CLEC16A: variants seen among roughly 807,000 people sequenced by gnomAD.
The protein encoded by CLEC16A is protein CLEC16A.
Under a neutral mutation model 109.5 loss-of-function variants are expected in CLEC16A, and 51 were observed. The ratio of observed to expected loss-of-function variants is 0.47; its 90% CI spans 0.37 to 0.59. The LOEUF (loss-of-function observed/expected upper bound fraction) is 0.59, where lower values mean the gene tolerates loss of function less well. Ranked by LOEUF, CLEC16A falls within the 20% of genes least tolerant of loss-of-function variation. The pLI, the probability that CLEC16A is intolerant of heterozygous loss-of-function variation, is 0.00. For synonymous variants in CLEC16A, 673 were observed against 564.2 expected, an observed-to-expected ratio of 1.19 and a Z score of -2.73; for missense variants, 1,339 against 1,394.0, an observed-to-expected ratio of 0.96 and a Z score of 0.63.
At chr16:11,147,197 G>C (rs539525286) in intron 22 of CLEC16A, among the ~76,000 whole-genome samples, 1 of 152,270 alleles carries the variant, frequency 6.6e-6, no homozygotes, top group African/African-American at 2.4e-5. Flanking sequence ...GCAACAGTTT[G>C]GCTAGGCACA....
At chr16:11,092,854 T>C (rs1193776066) in intron 19 of CLEC16A, among the ~76,000 whole-genome samples, 3 of 152,056 alleles carry the variant, frequency 2.0e-5, no homozygotes, top group East Asian at 3.8e-4. Flanking sequence ...CAATTAAATA[T>C]ACTAACAAGC....
rs547519368 is a variant in CLEC16A, at chr16:11,042,224, G to A, written c.1661-30G>A. 8 of 1,526,132 alleles carry A rather than the reference G, an allele frequency of 5.2e-6. No individual in the cohort carries two copies. In the East Asian group the frequency reaches 1.7e-4, roughly 33 times the overall value. The allele number at this position is 1,526,132 out of a possible 1,614,324, so 94.5% of individuals were successfully genotyped here. Reference sequence around the variant, plus strand: ...GGTTTAAGGGCGCCCCACCCTGGGTGTGCAAGGCTTACCCTGGTGTGCTCT... The same window carrying A: ...GGTTTAAGGGCGCCCCACCCTGGGTATGCAAGGCTTACCCTGGTGTGCTCT... On this transcript the variant is annotated intron_variant, in intron 14 of 23. Coordinates refer to ENST00000409790, the MANE Select transcript of CLEC16A (RefSeq NM_015226.3).
intron 10 of CLEC16A, among the ~76,000 whole-genome samples, chr16:10,987,093 T>C (rs1485126719): frequency 6.6e-6 from 1 of 152,078 alleles, no homozygotes; most frequent in Non-Finnish European, 1.5e-5. Context: ...TGGCCTCAAG[T>C]GATCTGCCCG....
chr16:11,098,688 C>T (rs2050742557), intron 19 of CLEC16A, among the ~76,000 whole-genome samples: 1 of 152,192 alleles, frequency 6.6e-6, no homozygotes, highest in African/African-American at 2.4e-5. Flanking sequence ...AATGGGCCTC[C>T]CTTCGAGGAA....
chr16:11,079,419 C>A (rs962540764), intron 19 of CLEC16A, among the ~76,000 whole-genome samples: 1 of 152,170 alleles, frequency 6.6e-6, no homozygotes, highest in Non-Finnish European at 1.5e-5. Flanking sequence ...AATTAAGAGC[C>A]AAAAGTTCTC....
intron 23 of CLEC16A, among the ~76,000 whole-genome samples, chr16:11,169,725 G>A (rs1188421763): frequency 6.6e-6 from 1 of 152,254 alleles, no homozygotes; most frequent in African/African-American, 2.4e-5. Context: ...CAAGGATGTT[G>A]TTAAAAGCTG....
intron 10 of CLEC16A, among the ~76,000 whole-genome samples, chr16:10,991,547 T>G (rs1186213486): frequency 6.7e-6 from 1 of 149,434 alleles, no homozygotes; most frequent in South Asian, 2.1e-4. Context: ...GGAGATGAGG[T>G]TGGAGAGAAC....
intron 19 of CLEC16A, among the ~76,000 whole-genome samples, chr16:11,094,258 G>A (rs1029585559): frequency 6.6e-6 from 1 of 152,192 alleles, no homozygotes; most frequent in African/African-American, 2.4e-5. Context: ...GGCTCAAAGG[G>A]GAAACTGAAG....
chr16:11,036,717 T>G (rs1476916876), intron 13 of CLEC16A, among the ~76,000 whole-genome samples: 2 of 151,946 alleles, frequency 1.3e-5, no homozygotes, highest in Non-Finnish European at 2.9e-5. Flanking sequence ...CCCAGCTAAT[T>G]TTTGTATTTT....
chr16:11,170,424 C>T lies in CLEC16A; in HGVS notation c.2806+3872C>T, dbSNP rs532130299. Among the ~76,000 whole-genome samples, 11 of 152,358 alleles carry T rather than the reference C, an allele frequency of 7.2e-5. No individual in the cohort carries two copies. The South Asian group carries it at 1.4e-3, about 20-fold the overall frequency. Reference sequence around the variant, plus strand: ...GATGCTCAGTTGGGTTTTCCGCCTCCAGCCTGCGTCCAGCTCAGGGGACCT... The same window carrying T: ...GATGCTCAGTTGGGTTTTCCGCCTCTAGCCTGCGTCCAGCTCAGGGGACCT... On this transcript the variant is annotated intron_variant, in intron 23 of 23. Coordinates refer to ENST00000409790, the MANE Select transcript of CLEC16A (RefSeq NM_015226.3).
At chr16:11,154,892 A>C (rs1463343442) in intron 22 of CLEC16A, among the ~76,000 whole-genome samples, 1 of 151,980 alleles carries the variant, frequency 6.6e-6, no homozygotes, top group African/African-American at 2.4e-5. Flanking sequence ...GTGCCATTGC[A>C]CTCCAGTCTG....
chr16:10,972,604 A>G (rs200244420), intron 6 of CLEC16A, 45 bp downstream of exon 6: 25 of 1,538,022 alleles, frequency 1.6e-5, no homozygotes, highest in East Asian at 9.0e-5. Flanking sequence ...ATCTACCCTT[A>G]TATGTAAATA....
chr16:11,083,351 A>T lies in CLEC16A; in HGVS notation c.2116+22329A>T, dbSNP rs369179612. 4.6e-5 allele frequency among the ~76,000 whole-genome samples: 7 copies of T among 151,924 alleles called. No homozygotes were observed. In the East Asian group the frequency reaches 7.7e-4, roughly 17 times the overall value. On this transcript the variant is annotated intron_variant, in intron 19 of 23. Transcript: ENST00000409790. ...ATAATTTTTTTGATTTTTTGTAGAGACAGTATTTTGCCATTTTGCCCAGGC... is the reference window on the plus strand; with the variant it reads ...ATAATTTTTTTGATTTTTTGTAGAGTCAGTATTTTGCCATTTTGCCCAGGC...
At chr16:11,140,006 A>G (rs2053748488) in intron 22 of CLEC16A, among the ~76,000 whole-genome samples, 1 of 152,234 alleles carries the variant, frequency 6.6e-6, no homozygotes, top group Non-Finnish European at 1.5e-5. Context: ...GTCAGAAAGC[A>G]AGGTCCCCTG....
intron 22 of CLEC16A, among the ~76,000 whole-genome samples, chr16:11,153,684 A>G (rs1483819650): frequency 1.3e-5 from 2 of 151,952 alleles, no homozygotes; most frequent in African/African-American, 4.8e-5. Context: ...GGAGGGAAAA[A>G]CATCTGACCC....
intron 22 of CLEC16A, among the ~76,000 whole-genome samples, chr16:11,136,702 C>A (rs1336374237): frequency 1.3e-5 from 2 of 152,210 alleles, no homozygotes; most frequent in African/African-American, 4.8e-5. Flanking sequence ...TTCCTCCTCA[C>A]ACAGAAGAGA....
intron 13 of CLEC16A, among the ~76,000 whole-genome samples, chr16:11,034,310 C>T (rs1405082174): frequency 1.3e-5 from 2 of 152,154 alleles, no homozygotes; most frequent in East Asian, 1.9e-4. Context: ...GCCAAGGAGA[C>T]TTTGTGTGGT....
At chr16:11,080,821 AC>A (rs2152944446) in intron 19 of CLEC16A, among the ~76,000 whole-genome samples, 1 of 152,222 alleles carries the variant, frequency 6.6e-6, no homozygotes, top group East Asian at 1.9e-4. Flanking sequence ...CACTTTTAGA[AC>A]CCCTTCTGAT....
At chr16:11,019,020 G>A (rs947524673) in intron 11 of CLEC16A, among the ~76,000 whole-genome samples, 4 of 152,180 alleles carry the variant, frequency 2.6e-5, no homozygotes, top group Non-Finnish European at 4.4e-5. Context: ...GGTGGCAGAC[G>A]TCCCTGCATG....
Sources: gnomAD v4.1 joint callset for allele counts (sites outside exome capture counted in the v4.1 genomes callset) on GRCh38, gnomAD v4.1.1 for gene constraint, MANE v1.5 for transcripts, NCBI Gene and HGNC (gene_info 2026-07-23, HGNC 2026-07-21) for gene names.